PRKAG2: variants seen among roughly 807,000 people sequenced by gnomAD.
The protein encoded by PRKAG2 is protein kinase AMP-activated non-catalytic subunit gamma 2, also known as 5'-AMP-activated protein kinase subunit gamma-2.
Under a neutral mutation model 69.6 loss-of-function variants are expected in PRKAG2, and 26 were observed. That is an observed-to-expected ratio of 0.37 (90% CI 0.27 to 0.52). PRKAG2 has a LOEUF of 0.52. Ranked by LOEUF, PRKAG2 falls within the 20% of genes least tolerant of loss-of-function variation. The pLI, the probability that PRKAG2 is intolerant of heterozygous loss-of-function variation, is 0.90. For missense variants in PRKAG2, 557 were observed against 740.0 expected, an observed-to-expected ratio of 0.75 and a Z score of 2.87; for synonymous variants, 293 against 285.0, an observed-to-expected ratio of 1.03 and a Z score of -0.28.
intron 3 of PRKAG2, among the ~76,000 whole-genome samples, chr7:151,753,592 TG>T (rs770885457): frequency 1.3e-5 from 2 of 152,176 alleles, no homozygotes; most frequent in African/African-American, 4.8e-5. Context: ...ATTTAATAAT[TG>T]TTTTTTTAGA....
intron 4 of PRKAG2, among the ~76,000 whole-genome samples, chr7:151,669,933 C>CACATACCTGCATGCACACACACCTGTGA (rs1831681042): frequency 1.8e-4 from 1 of 5,592 alleles, no homozygotes; most frequent in Non-Finnish European, 4.2e-4. Flanking sequence ...CACACCTGTG[C>CACATACCTGCATGCACACACACCTGTGA]ACACACTTGC....
intron 6 of PRKAG2, among the ~76,000 whole-genome samples, chr7:151,582,356 T>A (rs1386004355): frequency 6.6e-6 from 1 of 152,080 alleles, no homozygotes. Flanking sequence ...TCCGGTTATG[T>A]TGCCCATGCT....
At chr7:151,585,999 G>A (rs995835281) in intron 6 of PRKAG2, among the ~76,000 whole-genome samples, 14 of 152,214 alleles carry the variant, frequency 9.2e-5, no homozygotes, top group African/African-American at 2.4e-4. Context: ...CTCCCCTGGC[G>A]GAGGAAGCTG....
chr7:151,866,842 T>C (rs2080090529), intron 1 of PRKAG2, among the ~76,000 whole-genome samples: 1 of 151,670 alleles, frequency 6.6e-6, no homozygotes, highest in African/African-American at 2.4e-5. Context: ...GACAGAGCTG[T>C]CCTCCCACCC....
chr7:151,634,610 AAAAAT>A (rs747515516), intron 4 of PRKAG2, among the ~76,000 whole-genome samples: 3 of 152,256 alleles, frequency 2.0e-5, no homozygotes, highest in African/African-American at 7.2e-5. Context: ...AAGGAATAGC[AAAAAT>A]AAAATAAAAT....
intron 1 of PRKAG2, among the ~76,000 whole-genome samples, chr7:151,847,714 C>T (rs2079467646): frequency 6.6e-6 from 1 of 152,236 alleles, no homozygotes; most frequent in Non-Finnish European, 1.5e-5. Flanking sequence ...TGCTCCCAGC[C>T]TGGGCACCTG....
intron 4 of PRKAG2, among the ~76,000 whole-genome samples, chr7:151,646,625 T>G (rs1827604422): frequency 6.6e-6 from 1 of 152,224 alleles, no homozygotes; most frequent in Admixed American, 6.5e-5. Context: ...CTACTGCCTC[T>G]TAAATTATTT....
rs35161942 is a variant in PRKAG2, at chr7:151,813,492, GA to G, written c.115-26952del. 2.8e-3 allele frequency among the ~76,000 whole-genome samples: 386 copies of G among 137,892 alleles called. 1 individual carries two copies. Among genetic ancestry groups the G allele is most frequent in the South Asian group, 7.8e-3 (34 of 4,352 alleles). The allele number at this position is 137,892 out of a possible 152,430, so 90.5% of individuals were successfully genotyped here. On this transcript the variant is annotated intron_variant, in intron 1 of 15. Transcript: ENST00000287878. ...CTGGCTTACGGAAGGCGATTGTAAG[GA>G]AAAAAAAAAAAAAGGACATGGCTTA...
At chr7:151,662,771 T>C (rs1830512562) in intron 4 of PRKAG2, among the ~76,000 whole-genome samples, 1 of 151,946 alleles carries the variant, frequency 6.6e-6, no homozygotes, top group Non-Finnish European at 1.5e-5. Flanking sequence ...GGCATGGTGG[T>C]GTGTGCTGGT....
intron 1 of PRKAG2, chr7:151,790,435 C>A (rs1257902554): frequency 6.6e-6 from 1 of 152,248 alleles, no homozygotes; most frequent in African/African-American, 2.4e-5. Flanking sequence ...GTATTATACT[C>A]ATCTATCAGT....
In PRKAG2 at chr7:151,850,523, T is replaced by C. The variant is rs905447441; in HGVS notation, c.114+25984A>G. ...GCAAACCGAGGTTCAGAGATGGCAT[T>C]GGCCATGCTCATCAAAGCAGCCCAA... On this transcript the variant is annotated intron_variant, in intron 1 of 15. Transcript: ENST00000287878. This position sits in a 1 kb window ranked among gnomAD's most constrained non-coding sequence, Gnocchi z 4.1. Among the ~76,000 whole-genome samples the C allele has an allele frequency of 6.6e-6, 1 of 152,248 alleles. No homozygotes were observed. The highest frequency in any genetic ancestry group is 1.5e-5 in the Non-Finnish European group (1 of 68,046).
At chr7:151,599,476 C>T (rs1392747725) in intron 5 of PRKAG2, among the ~76,000 whole-genome samples, 1 of 152,176 alleles carries the variant, frequency 6.6e-6, no homozygotes, top group East Asian at 1.9e-4. Flanking sequence ...AATCCAGATG[C>T]TTTAGAATAA....
chr7:151,805,006 G>A (rs1204543915), intron 1 of PRKAG2, among the ~76,000 whole-genome samples: 1 of 152,192 alleles, frequency 6.6e-6, no homozygotes, highest in African/African-American at 2.4e-5. Context: ...GGGGCTCCAT[G>A]GGGTAAGTAG....
chr7:151,649,688 C>A (rs974546859), intron 4 of PRKAG2, among the ~76,000 whole-genome samples: 1 of 152,154 alleles, frequency 6.6e-6, no homozygotes, highest in South Asian at 2.1e-4. Flanking sequence ...TGTTCAAAAG[C>A]ATGCAGTGCC....
intron 1 of PRKAG2, among the ~76,000 whole-genome samples, chr7:151,833,649 A>AG (rs1343182162): frequency 2.0e-5 from 3 of 152,220 alleles, no homozygotes; most frequent in African/African-American, 7.2e-5. Flanking sequence ...TTCTAACTCC[A>AG]GCGGGCTTTT....
At chr7:151,694,275 ACT>A (rs2151540763) in intron 3 of PRKAG2, among the ~76,000 whole-genome samples, 1 of 152,198 alleles carries the variant, frequency 6.6e-6, no homozygotes, top group African/African-American at 2.4e-5. Flanking sequence ...CAAACAGTCC[ACT>A]CTTTTTAAAC....
intron 3 of PRKAG2, among the ~76,000 whole-genome samples, chr7:151,765,383 C>T (rs1335355615): frequency 4.6e-5 from 7 of 152,158 alleles, no homozygotes; most frequent in Admixed American, 3.3e-4. Flanking sequence ...AAGTCTGCCC[C>T]TACGATTCAA....
chr7:151,704,246 T>C (rs569016993), intron 3 of PRKAG2, among the ~76,000 whole-genome samples: 2 of 152,342 alleles, frequency 1.3e-5, no homozygotes, highest in South Asian at 4.1e-4. Flanking sequence ...AATATACAAT[T>C]AAGTTATTAT....
chr7:151,732,745 T>G (rs1425730462), intron 3 of PRKAG2, among the ~76,000 whole-genome samples: 1 of 151,996 alleles, frequency 6.6e-6, no homozygotes, highest in Admixed American at 6.6e-5. Flanking sequence ...CAGGCTAGAG[T>G]GCAATGGCAT....
Sources: gnomAD v4.1 joint callset for allele counts (sites outside exome capture counted in the v4.1 genomes callset) on GRCh38, gnomAD v4.1.1 for gene constraint, Gnocchi (gnomAD v3.1) non-coding constraint, MANE v1.5 for transcripts, NCBI Gene and HGNC (gene_info 2026-07-23, HGNC 2026-07-21) for gene names.